SGCZ: variants seen among roughly 807,000 people sequenced by gnomAD.
SGCZ encodes sarcoglycan zeta.
A neutral mutation model predicts 41.3 loss-of-function variants in SGCZ; 40 were observed. The ratio of observed to expected loss-of-function variants is 0.97; its 90% CI spans 0.75 to 1.26. The LOEUF is 1.26. SGCZ is among the 50% of genes most tolerant of loss of function. The probability of loss-of-function intolerance (pLI) is 0.00; values close to 1 mark genes in which losing one functional copy is unlikely to be tolerated. For synonymous variants in SGCZ, 206 were observed against 137.5 expected (o/e 1.50, Z -3.49); for missense variants, 552 against 369.8 (o/e 1.49, Z -4.04).
intron 1 of SGCZ, among the ~76,000 whole-genome samples, chr8:14,653,191 G>C (rs536237155): frequency 6.6e-6 from 1 of 151,862 alleles, no homozygotes. Context: ...ACTATGTTTG[G>C]GTCCACATAA....
chr8:14,427,061 T>C (rs551502074), intron 2 of SGCZ, among the ~76,000 whole-genome samples: 1 of 95,456 alleles, frequency 1.0e-5, no homozygotes, highest in East Asian at 2.2e-4. Flanking sequence ...AATGAATGAA[T>C]GAATGAGTGA....
At chr8:14,529,247 T>C (rs895212525) in intron 2 of SGCZ, among the ~76,000 whole-genome samples, 2 of 152,176 alleles carry the variant, frequency 1.3e-5, no homozygotes, top group South Asian at 2.1e-4. Context: ...TACAGCCATA[T>C]GCTGAAGGGC....
At chr8:14,927,759 G>A (rs1799802213) in intron 1 of SGCZ, among the ~76,000 whole-genome samples, 1 of 152,136 alleles carries the variant, frequency 6.6e-6, no homozygotes. Flanking sequence ...AAAGCAAAAT[G>A]CGTTGACTCG....
intron 1 of SGCZ, among the ~76,000 whole-genome samples, chr8:15,100,903 G>C (rs1036216459): frequency 6.6e-6 from 1 of 152,006 alleles, no homozygotes; most frequent in African/African-American, 2.4e-5. Context: ...TTGAGCCCAG[G>C]AGATTGAGGC....
chr8:14,120,513 C>T (rs1269461644), intron 5 of SGCZ, among the ~76,000 whole-genome samples: 1 of 152,016 alleles, frequency 6.6e-6, no homozygotes, highest in Non-Finnish European at 1.5e-5. Flanking sequence ...GCTAGAATCA[C>T]CACTTTAATT....
intron 2 of SGCZ, among the ~76,000 whole-genome samples, chr8:14,507,231 G>C (rs186164369): frequency 2.0e-5 from 3 of 149,678 alleles, no homozygotes; most frequent in East Asian, 4.0e-4. Context: ...GTAGCCATTC[G>C]CACCAGCACT....
At chr8:14,786,123 T>G (rs1483107308) in intron 1 of SGCZ, among the ~76,000 whole-genome samples, 4 of 152,276 alleles carry the variant, frequency 2.6e-5, no homozygotes, top group African/African-American at 9.6e-5. Context: ...CTTCTCAAAT[T>G]TTTCTTATTC....
At chr8:14,118,714 A>C (rs1304750514) in intron 5 of SGCZ, among the ~76,000 whole-genome samples, 2 of 152,110 alleles carry the variant, frequency 1.3e-5, no homozygotes, top group African/African-American at 2.4e-5. Flanking sequence ...TTAGGTCTGT[A>C]ATCCATCTTG....
chr8:14,445,662 T>C (rs999533096), intron 2 of SGCZ, among the ~76,000 whole-genome samples: 1 of 152,130 alleles, frequency 6.6e-6, no homozygotes, highest in Non-Finnish European at 1.5e-5. Flanking sequence ...GAACAAGAGC[T>C]CAGGACACAT....
At chr8:14,190,864 A>G (rs1311872670) in intron 4 of SGCZ, among the ~76,000 whole-genome samples, 1 of 152,060 alleles carries the variant, frequency 6.6e-6, no homozygotes, top group Non-Finnish European at 1.5e-5. Context: ...GGACTCCCAA[A>G]GTGCTGGGAT....
chr8:14,673,206 A>G (rs113239049), intron 1 of SGCZ, among the ~76,000 whole-genome samples: 218 of 152,300 alleles, frequency 1.4e-3, no homozygotes, highest in African/African-American at 4.9e-3. Flanking sequence ...ACATTAATTT[A>G]TGACCTATTA....
At chr8:14,351,716 A>T (rs1210342537) in intron 2 of SGCZ, among the ~76,000 whole-genome samples, 1 of 152,050 alleles carries the variant, frequency 6.6e-6, no homozygotes, top group Non-Finnish European at 1.5e-5. Flanking sequence ...TTTGCTTGTA[A>T]TGGTACAATG....
chr8:15,069,456 A>C (rs1254117654), intron 1 of SGCZ, among the ~76,000 whole-genome samples: 1 of 152,248 alleles, frequency 6.6e-6, no homozygotes, highest in Non-Finnish European at 1.5e-5. Context: ...GTATACCTCA[A>C]GATTTTCAAG....
chr8:14,562,752 T>C (rs536637803), intron 1 of SGCZ, among the ~76,000 whole-genome samples: 11 of 152,026 alleles, frequency 7.2e-5, no homozygotes, highest in African/African-American at 2.4e-4. Flanking sequence ...TGTCTGGGGG[T>C]CTTGTATTGC....
At chr8:14,243,110 A>G (rs1798950114) in intron 3 of SGCZ, among the ~76,000 whole-genome samples, 2 of 152,210 alleles carry the variant, frequency 1.3e-5, no homozygotes, top group South Asian at 4.1e-4. Flanking sequence ...TCATCTGCCT[A>G]CACATTTTAG....
intron 2 of SGCZ, among the ~76,000 whole-genome samples, chr8:14,330,213 C>T (rs942879958): frequency 6.6e-6 from 1 of 152,150 alleles, no homozygotes; most frequent in East Asian, 1.9e-4. Flanking sequence ...TATGATCAAT[C>T]TTATTTATCT....
intron 2 of SGCZ, among the ~76,000 whole-genome samples, chr8:14,396,570 C>T (rs1798926203): frequency 6.6e-6 from 1 of 151,980 alleles, no homozygotes; most frequent in Non-Finnish European, 1.5e-5. Context: ...ACTAGGGTCT[C>T]GGTGCTAGGG....
intron 1 of SGCZ, among the ~76,000 whole-genome samples, chr8:14,801,311 A>G (rs542204219): frequency 2.0e-5 from 3 of 152,342 alleles, no homozygotes; most frequent in East Asian, 3.9e-4. Context: ...ATATTTGAAT[A>G]TGTAATCTCA....
At chr8:15,219,252 A>T (rs1239046061) in intron 1 of SGCZ, among the ~76,000 whole-genome samples, 1 of 152,156 alleles carries the variant, frequency 6.6e-6, no homozygotes, top group Admixed American at 6.5e-5. Flanking sequence ...TACTCTCATG[A>T]TACTATACTT....
Sources: allele counts gnomAD v4.1 joint callset (sites outside exome capture counted in the v4.1 genomes callset), GRCh38; gene constraint gnomAD v4.1.1; transcripts MANE v1.5; gene names NCBI Gene and HGNC (gene_info 2026-07-23, HGNC 2026-07-21).